Variants in LRRC4C observed in about 807,000 individuals in gnomAD.
LRRC4C encodes leucine rich repeat containing 4C.
In LRRC4C, 5 loss-of-function variants were observed where a neutral mutation model predicts 33.6. The observed-to-expected ratio is 0.15, with a 90% CI of 0.08 to 0.31. The LOEUF (loss-of-function observed/expected upper bound fraction) is 0.31. Ranked by LOEUF, LRRC4C falls within the 10% of genes least tolerant of loss-of-function variation. LRRC4C has a pLI of 1.00. For missense variants in LRRC4C, 560 were observed against 796.7 expected, an observed-to-expected ratio of 0.70 and a Z score of 3.58; for synonymous variants, 329 against 302.0, an observed-to-expected ratio of 1.09 and a Z score of -0.93.
At chr11:40,705,256 T>C (rs904917574) in intron 2 of LRRC4C, among the ~76,000 whole-genome samples, 3 of 152,122 alleles carry the variant, frequency 2.0e-5, no homozygotes, top group Non-Finnish European at 2.9e-5. Context: ...GTGCACAACG[T>C]GGAGGTTTGT....
chr11:41,447,976 G>A (rs1160755703), intron 1 of LRRC4C, among the ~76,000 whole-genome samples: 1 of 151,934 alleles, frequency 6.6e-6, no homozygotes. Flanking sequence ...ATATCAGCTT[G>A]GCTTAATAGT....
chr11:41,110,594 T>A (rs965046128), intron 1 of LRRC4C, among the ~76,000 whole-genome samples: 1 of 152,072 alleles, frequency 6.6e-6, no homozygotes, highest in Non-Finnish European at 1.5e-5. Context: ...TGGTGGTGAG[T>A]ACCTTGTCTT....
intron 4 of LRRC4C, among the ~76,000 whole-genome samples, chr11:40,316,426 A>T (rs1945575924): frequency 6.6e-6 from 1 of 151,970 alleles, no homozygotes; most frequent in Admixed American, 6.6e-5. Flanking sequence ...TCAGTTAATG[A>T]CCTTTTGGAA....
chr11:40,489,528 A>G (rs970063393), intron 3 of LRRC4C, among the ~76,000 whole-genome samples: 7 of 152,098 alleles, frequency 4.6e-5, no homozygotes, highest in Non-Finnish European at 1.0e-4. Context: ...ATTTATATAT[A>G]TGAGTTTATC....
chr11:40,730,665 A>T (rs1462731743), intron 2 of LRRC4C, among the ~76,000 whole-genome samples: 1 of 152,182 alleles, frequency 6.6e-6, no homozygotes, highest in African/African-American at 2.4e-5. Flanking sequence ...AGATTTTGTT[A>T]TTTGACTTTG....
intron 1 of LRRC4C, among the ~76,000 whole-genome samples, chr11:41,245,947 GTGCTGA>G (rs1355656883): frequency 5.3e-5 from 8 of 152,116 alleles, no homozygotes; most frequent in African/African-American, 1.9e-4. Context: ...GAGGGAGTGT[GTGCTGA>G]TTGGTCCCTG....
At chr11:40,948,526 C>T (rs1304652282) in intron 1 of LRRC4C, among the ~76,000 whole-genome samples, 1,353 of 119,452 alleles carry the variant, frequency 0.011, 27 homozygotes, top group African/African-American at 0.041. Context: ...CCTCCCCCCA[C>T]CCCACAACAG....
chr11:41,172,915 A>T (rs1259763053), intron 1 of LRRC4C, among the ~76,000 whole-genome samples: 1 of 152,082 alleles, frequency 6.6e-6, no homozygotes, highest in Non-Finnish European at 1.5e-5. Flanking sequence ...GTTTATTCCA[A>T]CTTCTCTGCT....
chr11:41,410,568 G>C (rs1268663231), intron 1 of LRRC4C, among the ~76,000 whole-genome samples: 1 of 151,920 alleles, frequency 6.6e-6, no homozygotes, highest in Non-Finnish European at 1.5e-5. Flanking sequence ...AGCCTCCCGA[G>C]TAGCTGGGAC....
intron 1 of LRRC4C, among the ~76,000 whole-genome samples, chr11:41,427,657 C>T (rs1955087138): frequency 6.6e-6 from 1 of 152,084 alleles, no homozygotes; most frequent in Admixed American, 6.6e-5. Context: ...AATACATGAG[C>T]TAAAAAGGAA....
chr11:40,830,652 G>C (rs1952372497), intron 2 of LRRC4C, among the ~76,000 whole-genome samples: 1 of 152,046 alleles, frequency 6.6e-6, no homozygotes, highest in Non-Finnish European at 1.5e-5. Context: ...GACTGGAGAG[G>C]GTTGTGAGTT....
chr11:40,205,278 C>T lies in LRRC4C; in HGVS notation c.-96+36241G>A, dbSNP rs559163361. Among the ~76,000 whole-genome samples, 11 of 152,138 alleles carry T rather than the reference C, an allele frequency of 7.2e-5. No homozygotes were observed. In the South Asian group the frequency reaches 1.9e-3, roughly 26 times the overall value. ...ACGGTGTGATAATTCAGGATATAAC[C>T]CACAGATCAGGTATCCTCAGAATGA... is the stretch of plus-strand genomic sequence containing the variant. On this transcript the variant is annotated intron_variant, in intron 5 of 6. Coordinates refer to ENST00000528697, the MANE Select transcript of LRRC4C (RefSeq NM_001258419.2).
chr11:40,909,944 T>G (rs1592061942), intron 2 of LRRC4C, among the ~76,000 whole-genome samples: 1 of 152,330 alleles, frequency 6.6e-6, no homozygotes, highest in East Asian at 1.9e-4. Flanking sequence ...AATCATTTAT[T>G]TTAATGGAAC....
chr11:40,229,668 T>C (rs1390430056), intron 5 of LRRC4C, among the ~76,000 whole-genome samples: 1 of 152,192 alleles, frequency 6.6e-6, no homozygotes, highest in Non-Finnish European at 1.5e-5. Flanking sequence ...AATAAAGCTG[T>C]CATTTCTTCT....
intron 2 of LRRC4C, among the ~76,000 whole-genome samples, chr11:40,813,959 C>G (rs1304332576): frequency 2.6e-5 from 4 of 152,218 alleles, no homozygotes; most frequent in Non-Finnish European, 5.9e-5. Context: ...CAGATCCACC[C>G]CTGTGGCTTT....
chr11:40,511,127 C>A (rs1403506332), intron 3 of LRRC4C, among the ~76,000 whole-genome samples: 1 of 152,004 alleles, frequency 6.6e-6, no homozygotes, highest in Admixed American at 6.6e-5. Context: ...GGCATCTTAC[C>A]ACAGCAACCT....
chr11:41,202,830 G>A (rs551446048), intron 1 of LRRC4C, among the ~76,000 whole-genome samples: 61 of 151,080 alleles, frequency 4.0e-4, no homozygotes, highest in African/African-American at 1.3e-3. Flanking sequence ...CTTTCACCCA[G>A]GCTAGAGTGC....
chr11:40,629,513 C>CA (rs1963270234), intron 3 of LRRC4C, among the ~76,000 whole-genome samples: 1 of 152,136 alleles, frequency 6.6e-6, no homozygotes, highest in East Asian at 1.9e-4. Flanking sequence ...GAGTAAATTT[C>CA]ATGAATAAAC....
chr11:40,175,313 A>G (rs1041354706), intron 5 of LRRC4C, among the ~76,000 whole-genome samples: 4 of 152,254 alleles, frequency 2.6e-5, no homozygotes, highest in African/African-American at 7.2e-5. Context: ...ACTGGTAAAA[A>G]TGCGTGAGCA....
Sources: allele counts gnomAD v4.1 joint callset (sites outside exome capture counted in the v4.1 genomes callset), GRCh38; gene constraint gnomAD v4.1.1; transcripts MANE v1.5; gene names NCBI Gene and HGNC (gene_info 2026-07-23, HGNC 2026-07-21).